Variants in SPTA1 observed in about 807,000 individuals in gnomAD.
The protein encoded by SPTA1 is spectrin alpha, erythrocytic 1.
A neutral mutation model predicts 324.7 loss-of-function variants in SPTA1; 177 were observed. The observed-to-expected ratio is 0.55, with a 90% CI of 0.48 to 0.62. The LOEUF is 0.62. Ranked by LOEUF, SPTA1 falls within the 20% of genes least tolerant of loss-of-function variation. SPTA1 has a pLI of 0.00. For synonymous variants in SPTA1, 1,195 were observed against 1,041.3 expected (o/e 1.15, Z -2.84); for missense variants, 3,162 against 2,883.6 (o/e 1.10, Z -2.21).
In SPTA1 at chr1:158,657,519, A is replaced by ATTATCC; in HGVS notation, c.2762_2763insGGATAA (p.Ile921delinsMetAspAsn). ...CAGCACCATAGTTAGTATTATCTACAATAGGTTCCTTCTCTCTGATCCATG... is the reference window on the plus strand; with the variant it reads ...CAGCACCATAGTTAGTATTATCTACATTATCCATAGGTTCCTTCTCTCTGATCCATG... On this transcript the variant is annotated protein_altering_variant, in exon 19 of 52. Transcript: ENST00000643759. 6.2e-7 allele frequency: 1 copy of ATTATCC among 1,613,982 alleles called. No individual in the cohort carries two copies. The highest frequency in any genetic ancestry group is 8.5e-7 in the Non-Finnish European group (1 of 1,179,976).
At chr1:158,669,606 A>G (rs1653863600) in intron 13 of SPTA1, 43 bp from the exon 14 acceptor site, 2 of 1,613,916 alleles carry the variant, frequency 1.2e-6, no homozygotes, top group African/African-American at 2.7e-5. Flanking sequence ...ACAACCAAAT[A>G]TGGACATGTG....
Position 158,685,108 on chromosome 1 carries a change from C to T in SPTA1, c.264G>A (p.Gln88=). 1 of 1,613,548 alleles carries T rather than the reference C, an allele frequency of 6.2e-7. No individual in the cohort carries two copies. Residue 88 remains glutamine, a splice_region_variant and synonymous_variant, in exon 2 of 52, where the codon CAG becomes CAA. Coordinates refer to ENST00000643759, the MANE Select transcript of SPTA1 (RefSeq NM_003126.4). ...GAGGCAATCAAGAGAACTGAGTGACCTGTATATTAGTTGGGTCTTCATAGC... is the reference window on the plus strand; with the variant it reads ...GAGGCAATCAAGAGAACTGAGTGACTTGTATATTAGTTGGGTCTTCATAGC... The part of the protein sequence containing the change: ...DKSYEDPTNI[Q]GKYQKHQSLE...
intron 2 of SPTA1, 65 bp from the exon 3 acceptor site, chr1:158,683,561 A>T (rs912766031): frequency 1.1e-5 from 17 of 1,603,108 alleles, no homozygotes; most frequent in Admixed American, 1.7e-5. Flanking sequence ...TGTTCACTCT[A>T]TGTAAAGCCA....
chr1:158,671,489 T>C, intron 11 of SPTA1, 36 bp from the exon 12 acceptor site: 1 of 1,549,440 alleles, frequency 6.5e-7, no homozygotes, highest in Non-Finnish European at 8.9e-7. Context: ...AAGCTGTGTC[T>C]GACCGGTAAG....
At chr1:158,682,035 G>A (rs973728037) in intron 3 of SPTA1, among the ~76,000 whole-genome samples, 12 of 152,122 alleles carry the variant, frequency 7.9e-5, no homozygotes, top group African/African-American at 2.9e-4. Flanking sequence ...TCTAAGAAGA[G>A]CAAACAGCAA....
Position 158,662,848 on chromosome 1 carries a change from C to T in SPTA1, c.2318G>A (p.Cys773Tyr). Residue 773 changes from cysteine to tyrosine, a missense_variant, in exon 17 of 52, where the codon TGC becomes TAC. Cys to Tyr is a radical substitution (Grantham distance 194). Transcript: ENST00000643759. ...DIRARQESLV[C>Y]RFEALKEPLA... Reference sequence around the variant, plus strand: ...TGGCTCTTTCAGAGCTTCAAATCGGCATACCAAGGACTCTTGCCTTGCCCT... The same window carrying T: ...TGGCTCTTTCAGAGCTTCAAATCGGTATACCAAGGACTCTTGCCTTGCCCT... 2 of 1,614,094 alleles carry T rather than the reference C, an allele frequency of 1.2e-6. No individual in the cohort carries two copies. Among genetic ancestry groups the T allele is most frequent in the Non-Finnish European group, 1.7e-6 (2 of 1,179,986 alleles).
Position 158,647,632 on chromosome 1 carries a change from T to C in SPTA1, c.3803A>G (p.Asn1268Ser), listed in dbSNP as rs758445774. The C allele has an allele frequency of 5.0e-6, 8 of 1,613,858 alleles. No individual in the cohort carries two copies. The Admixed American group carries it at 1.2e-4, about 24-fold the overall frequency. ...CCCCTGCAGGTCTTCCCAGGCCTCA[T>C]TCAGCTCCATTTTCTGTCTCTGCAG... ...EDLQRQKMEL[N>S]EAWEDLQGRT... The change falls in exon 27 of 52, where the codon AAT becomes AGT. Residue 1268 changes from asparagine (N) to serine (S), a missense_variant. Asn to Ser is a conservative substitution (Grantham distance 46, BLOSUM62 1). Coordinates refer to ENST00000643759, the MANE Select transcript of SPTA1 (RefSeq NM_003126.4).
chr1:158,626,923 T>C lies in SPTA1; in HGVS notation c.5749A>G (p.Ile1917Val). The C allele has an allele frequency of 6.2e-7, 1 of 1,613,958 alleles. No homozygotes were observed. Among genetic ancestry groups the C allele is most frequent in the Non-Finnish European group, 8.5e-7 (1 of 1,179,858 alleles). The change falls in exon 41 of 52, where the codon ATA becomes GTA. Residue 1917 changes from isoleucine to valine, a missense_variant. Physicochemically the swap from Ile to Val is conservative, Grantham distance 29 (BLOSUM62 3). Coordinates refer to ENST00000643759, the MANE Select transcript of SPTA1 (RefSeq NM_003126.4). ...NEKTPSLAKA[I>V]AAWKLQLEDD... ...TCCAATTGCAACTTCCAAGCAGCTA[T>C]TGCCTTAGCCAGAGAAGGGGTCTTT...
chr1:158,634,611 C>A lies in SPTA1; in HGVS notation c.5497G>T (p.Ala1833Ser). ...QFMQNAEEEE[A>S]WINEKNALAV... is the part of the protein sequence containing the mutation. ...AAAGCATTCTTTTCATTGATCCAAG[C>A]TTCCTCTTCCTCAGCATTCTGCATG... Residue 1833 changes from alanine (A) to serine (S), a missense_variant, in exon 39 of 52, where the codon GCT becomes TCT. Physicochemically the swap from Ala to Ser is moderately conservative, Grantham distance 99. Coordinates refer to ENST00000643759, the MANE Select transcript of SPTA1 (RefSeq NM_003126.4). 1 of 1,614,178 alleles carries A rather than the reference C, an allele frequency of 6.2e-7. No homozygotes were observed.
At chr1:158,681,703 AC>A (rs1403581853) in intron 3 of SPTA1, 36 bp from the exon 4 acceptor site, 2 of 1,613,090 alleles carry the variant, frequency 1.2e-6, no homozygotes, top group African/African-American at 1.3e-5. Context: ...TCAGCCACAG[AC>A]ACTGGGAGCA....
chr1:158,614,228 C>A, intron 49 of SPTA1, 25 bp downstream of exon 49: 7 of 1,509,610 alleles, frequency 4.6e-6, no homozygotes, highest in Non-Finnish European at 6.4e-6. Flanking sequence ...AACAAAGAAG[C>A]AGTTAACTAT....
intron 6 of SPTA1, among the ~76,000 whole-genome samples, chr1:158,678,142 G>A (rs187977826): frequency 3.1e-4 from 47 of 151,976 alleles, no homozygotes; most frequent in African/African-American, 1.1e-3. Context: ...CTTCCCTTCC[G>A]TCTGCAGCGC....
At chr1:158,628,894 C>T (rs914129651) in intron 39 of SPTA1, among the ~76,000 whole-genome samples, 1 of 151,874 alleles carries the variant, frequency 6.6e-6, no homozygotes, top group African/African-American at 2.4e-5. Flanking sequence ...TGAAGAAAGT[C>T]CAAACAGACC....
At position 158,671,386 on chromosome 1, in the gene SPTA1, T is replaced by A; in HGVS notation, c.1556A>T (p.Glu519Val). The A allele has an allele frequency of 2.5e-6, 4 of 1,613,556 alleles. No homozygotes were observed. The highest frequency in any genetic ancestry group is 3.4e-6 in the Non-Finnish European group (4 of 1,179,902). The change falls in exon 12 of 52, where the codon GAA becomes GTA. Residue 519 changes from glutamate (E) to valine (V), a missense_variant. Coordinates refer to ENST00000643759, the MANE Select transcript of SPTA1 (RefSeq NM_003126.4). ...GSAEALLQKH[E>V]DFEEAFTAQE... The stretch of plus-strand genomic sequence containing the variant: ...GGCAGTAAAGGCTTCCTCAAAGTCT[T>A]CATGCTTCTGAAGAAGGGCTTCTGC...
At position 158,674,381 on chromosome 1, in the gene SPTA1, C is replaced by G; in HGVS notation, c.1298G>C (p.Gly433Ala). The change falls in exon 10 of 52, where the codon GGT becomes GCT. Residue 433 changes from glycine (G) to alanine (A), a missense_variant. By Grantham distance (60) the Gly-to-Ala change is moderately conservative. Coordinates refer to ENST00000643759, the MANE Select transcript of SPTA1 (RefSeq NM_003126.4). ...DDRFQSADET[G>A]QDLVNANHEA... ...ATGATTGGCATTCACGAGGTCTTGA[C>G]CAGTCTCATCAGCAGATTGAAATCG... 2.5e-6 allele frequency: 4 copies of G among 1,614,088 alleles called. No individual in the cohort carries two copies. The highest frequency in any genetic ancestry group is 3.4e-6 in the Non-Finnish European group (4 of 1,179,964).
intron 3 of SPTA1, 37 bp downstream of exon 3, chr1:158,683,334 A>G: frequency 6.2e-7 from 1 of 1,612,502 alleles, no homozygotes; most frequent in African/African-American, 1.3e-5. Context: ...TAACATAATC[A>G]ATAATTGGAA....
In SPTA1 at chr1:158,645,222, C is replaced by T. The variant is rs368282292; in HGVS notation, c.4160G>A (p.Arg1387His). 74 of 1,613,736 alleles carry T rather than the reference C, an allele frequency of 4.6e-5. No homozygotes were observed. Among genetic ancestry groups the T allele is most frequent in the African/African-American group, 1.1e-4 (8 of 74,894 alleles). ...CAGGCACTGGTCTAGGATCTTCTTG[C>T]GTTTTTCCCAAGCCTTCTCCAAATC... is the stretch of plus-strand genomic sequence containing the variant. ...RDDLEKAWEK[R>H]KKILDQCLEL... Residue 1387 changes from arginine (R) to histidine (H), a missense_variant, in exon 29 of 52, where the codon CGC (arginine) becomes CAC (histidine). Coordinates refer to ENST00000643759, the MANE Select transcript of SPTA1 (RefSeq NM_003126.4).
intron 19 of SPTA1, 22 bp downstream of exon 19, chr1:158,657,455 G>T: frequency 6.3e-7 from 1 of 1,597,308 alleles, no homozygotes; most frequent in Non-Finnish European, 8.6e-7. Context: ...GATTCACAAT[G>T]TTAAACCCAC....
intron 16 of SPTA1, 98 bp downstream of exon 16, chr1:158,666,218 A>AGTAATTAATAAGTAATAATTACTTATTAC (rs1557976310): frequency 7.0e-5 from 86 of 1,236,738 alleles, no homozygotes; most frequent in East Asian, 1.0e-4. Context: ...TTACTTATTA[A>AGTAATTAATAAGTAATAATTACTTATTAC]GTAATTAATA....
Sources: allele counts gnomAD v4.1 joint callset (sites outside exome capture counted in the v4.1 genomes callset), GRCh38; gene constraint gnomAD v4.1.1; transcripts MANE v1.5; gene names NCBI Gene and HGNC (gene_info 2026-07-23, HGNC 2026-07-21).